The following CCDC138 variants were observed in gnomAD, a reference collection of about 807,000 sequenced individuals.
The protein encoded by CCDC138 is coiled-coil domain-containing protein 138.
CCDC138 carries 66 observed loss-of-function variants against 82.3 expected under a neutral mutation model. The ratio of observed to expected loss-of-function variants is 0.80; its 90% confidence interval spans 0.66 to 0.98. The LOEUF (loss-of-function observed/expected upper bound fraction) is 0.98. CCDC138 is among the 50% of genes least tolerant of loss of function. CCDC138 has a pLI of 0.00. For synonymous variants in CCDC138, 297 were observed against 265.4 expected (o/e 1.12, Z -1.16); for missense variants, 816 against 758.9 (o/e 1.08, Z -0.88).
At chr2:108,790,943 G>A (rs1679807669) in intron 3 of CCDC138, among the ~76,000 whole-genome samples, 1 of 151,650 alleles carries the variant, frequency 6.6e-6, no homozygotes, top group African/African-American at 2.4e-5. Flanking sequence ...TTTTCTTTTT[G>A]TAGAGACAGA....
chr2:108,840,416 T>G (rs1336574144), intron 11 of CCDC138, among the ~76,000 whole-genome samples: 2 of 152,302 alleles, frequency 1.3e-5, no homozygotes, highest in East Asian at 3.9e-4. Context: ...GTGTTCATTC[T>G]TTAAACATTT....
At chr2:108,826,556 A>G (rs1307582736) in intron 10 of CCDC138, among the ~76,000 whole-genome samples, 1 of 152,204 alleles carries the variant, frequency 6.6e-6, no homozygotes, top group East Asian at 1.9e-4. Context: ...GAAAATAAAT[A>G]CAGTGTAAAT....
At chr2:108,794,869 A>G (rs1199354216) in intron 5 of CCDC138, 148 bp downstream of exon 5, 1 of 634,816 alleles carries the variant, frequency 1.6e-6, no homozygotes, top group Non-Finnish European at 2.6e-6. Flanking sequence ...CTCAAATTAT[A>G]GGGACTAATG....
At chr2:108,795,455 C>T (rs1056161424) in intron 5 of CCDC138, among the ~76,000 whole-genome samples, 4 of 151,890 alleles carry the variant, frequency 2.6e-5, no homozygotes, top group East Asian at 1.9e-4. Flanking sequence ...CAGTGCCCAG[C>T]CTAAAGAGTA....
intron 10 of CCDC138, among the ~76,000 whole-genome samples, chr2:108,820,092 C>T (rs1685421999): frequency 6.6e-6 from 1 of 152,112 alleles, no homozygotes; most frequent in Admixed American, 6.5e-5. Flanking sequence ...GACATCAACA[C>T]ACTTGAAGAC....
intron 5 of CCDC138, among the ~76,000 whole-genome samples, chr2:108,795,148 G>GTTT (rs1405181630): frequency 8.7e-5 from 6 of 68,640 alleles, no homozygotes; most frequent in Non-Finnish European, 1.5e-4. Flanking sequence ...TTTCTAAAGT[G>GTTT]TATTTTTTTT....
chr2:108,825,431 C>CA (rs975257846), intron 10 of CCDC138, among the ~76,000 whole-genome samples: 6 of 149,948 alleles, frequency 4.0e-5, no homozygotes, highest in South Asian at 2.1e-4. Flanking sequence ...CTCCTCTCTC[C>CA]AAAAAAAAAC....
chr2:108,825,831 A>G (rs994243604), intron 10 of CCDC138, among the ~76,000 whole-genome samples: 1 of 152,196 alleles, frequency 6.6e-6, no homozygotes, highest in East Asian at 1.9e-4. Flanking sequence ...TGGAACTGCT[A>G]AAGTGCCAGA....
At chr2:108,820,760 C>T (rs542339658) in intron 10 of CCDC138, among the ~76,000 whole-genome samples, 2 of 149,358 alleles carry the variant, frequency 1.3e-5, no homozygotes, top group African/African-American at 2.5e-5. Context: ...CCAGCTAAAC[C>T]GTCCTTAAGA....
intron 12 of CCDC138, among the ~76,000 whole-genome samples, chr2:108,849,041 A>G (rs1690971171): frequency 6.6e-6 from 1 of 152,210 alleles, no homozygotes; most frequent in Non-Finnish European, 1.5e-5. Context: ...CGGGATAAAA[A>G]GACTTCAATC....
intron 11 of CCDC138, among the ~76,000 whole-genome samples, chr2:108,843,302 C>T (rs1451722292): frequency 9.9e-5 from 15 of 152,090 alleles, no homozygotes; most frequent in African/African-American, 2.7e-4. Context: ...GGATTACAGG[C>T]GCCCACCACC....
At chr2:108,851,918 A>G (rs1358847476) in intron 12 of CCDC138, among the ~76,000 whole-genome samples, 1 of 152,190 alleles carries the variant, frequency 6.6e-6, no homozygotes, top group African/African-American at 2.4e-5. Context: ...GAGGTTTACA[A>G]AGGTAGATAA....
At chr2:108,853,495 T>TATATAATATA in intron 12 of CCDC138, among the ~76,000 whole-genome samples, 5 of 151,928 alleles carry the variant, frequency 3.3e-5, no homozygotes, top group Non-Finnish European at 5.9e-5. Context: ...AGGAACTTTA[T>TATATAATATA]CTGATAGAAT....
chr2:108,882,404 C>G (rs972693032), intron 1 of CCDC138: 5 of 152,172 alleles, frequency 3.3e-5, no homozygotes, highest in African/African-American at 1.2e-4. Flanking sequence ...TATGGAAACG[C>G]AGAGCTCACA....
chr2:108,875,970 A>T, intron 14 of CCDC138, 118 bp from the exon 15 acceptor site: 2 of 605,474 alleles, frequency 3.3e-6, no homozygotes. Context: ...TATTTTCTCC[A>T]CTGTTTTTAA....
intron 5 of CCDC138, among the ~76,000 whole-genome samples, chr2:108,796,689 G>A (rs577394042): frequency 1.5e-3 from 224 of 152,220 alleles, no homozygotes; most frequent in Admixed American, 3.9e-3. Flanking sequence ...TAGAATTGGA[G>A]GTCATTATAT....
chr2:108,808,752 C>G (rs963076088), intron 7 of CCDC138, among the ~76,000 whole-genome samples: 1 of 151,832 alleles, frequency 6.6e-6, no homozygotes, highest in African/African-American at 2.4e-5. Context: ...GGATTTTCAC[C>G]CTAGTTGGAT....
chr2:108,808,448 G>A (rs185851611), intron 7 of CCDC138, among the ~76,000 whole-genome samples: 4 of 152,084 alleles, frequency 2.6e-5, no homozygotes, highest in East Asian at 3.9e-4. Flanking sequence ...TGTGTTTTTC[G>A]TAATGGCTGT....
In CCDC138 at chr2:108,876,314, AAAGT is replaced by A; in HGVS notation, c.*64_*67del. The A allele has an allele frequency of 1.1e-6, 1 of 921,194 alleles. No homozygotes were observed. The highest frequency in any genetic ancestry group is 1.6e-6 in the Non-Finnish European group (1 of 625,522). The allele number at this position is 921,194 out of a possible 1,614,324, so 57.1% of individuals were successfully genotyped here. A position where few individuals can be genotyped will look rare whatever the true frequency, so the allele number is the denominator to read the frequency against. On this transcript the variant is annotated 3_prime_UTR_variant, in exon 15 of 15. Transcript: ENST00000295124. Reference sequence around the variant, plus strand: ...TATTTATAAACATGTAGAAATTACCAAAGTAACTACAATTCTACCAAGTAAAGTT... The same window carrying A: ...TATTTATAAACATGTAGAAATTACCAAACTACAATTCTACCAAGTAAAGTT...
Sources: allele counts gnomAD v4.1 joint callset (sites outside exome capture counted in the v4.1 genomes callset), GRCh38; gene constraint gnomAD v4.1.1; transcripts MANE v1.5; gene names NCBI Gene and HGNC (gene_info 2026-07-23, HGNC 2026-07-21).